The following GRXCR1 variants were observed in gnomAD, a reference collection of about 807,000 sequenced individuals.
The protein encoded by GRXCR1 is glutaredoxin and cysteine rich domain containing 1.
In GRXCR1, 27 loss-of-function variants were observed where a neutral mutation model predicts 27.3. The observed-to-expected ratio is 0.99, with a 90% CI of 0.73 to 1.37. The LOEUF is 1.37. Ranked by LOEUF, GRXCR1 falls within the 40% of genes most tolerant of loss-of-function variation. The probability of loss-of-function intolerance (pLI) is 0.00; values close to 1 mark genes in which losing one functional copy is unlikely to be tolerated. For synonymous variants in GRXCR1, 122 were observed against 131.1 expected (o/e 0.93, Z 0.47); for missense variants, 379 against 354.4 (o/e 1.07, Z -0.56).
chr4:43,004,350 G>A (rs1712480667), intron 2 of GRXCR1, among the ~76,000 whole-genome samples: 1 of 152,250 alleles, frequency 6.6e-6, no homozygotes, highest in African/African-American at 2.4e-5. Context: ...ACCTCTACTA[G>A]GGAACTGCAG....
rs112275383 is a variant in GRXCR1 at position 43,001,101 on chromosome 4, A to AT, written c.628-19239dup. ...CTCATTGTGCCCAGCTAATTTTTGT[A>AT]TTTTTTTTTTTTTTGGAGAGACAAG... On this transcript the variant is annotated intron_variant, in intron 2 of 3. Transcript: ENST00000399770. Among the ~76,000 whole-genome samples the AT allele has an allele frequency of 8.2e-3, 1,099 of 133,826 alleles. 6 individuals carry two copies. Among genetic ancestry groups the AT allele is most frequent in the East Asian group, 0.011 (51 of 4,544 alleles). 87.8% of individuals were successfully genotyped at this position (133,826 alleles called of 152,430 possible).
chr4:42,980,329 T>C (rs1464806184), intron 2 of GRXCR1, among the ~76,000 whole-genome samples: 2 of 151,982 alleles, frequency 1.3e-5, no homozygotes, highest in Admixed American at 6.6e-5. Context: ...TAAGTTTTGG[T>C]ATGTAGTGTT....
At chr4:42,986,084 T>C (rs1711715328) in intron 2 of GRXCR1, among the ~76,000 whole-genome samples, 1 of 152,200 alleles carries the variant, frequency 6.6e-6, no homozygotes, top group Non-Finnish European at 1.5e-5. Flanking sequence ...AGGTTTATAA[T>C]ACATTGTGTT....
chr4:42,907,599 A>G (rs1746625860), intron 1 of GRXCR1, among the ~76,000 whole-genome samples: 2 of 152,106 alleles, frequency 1.3e-5, no homozygotes, highest in Admixed American at 1.3e-4. Context: ...AGACCCATGA[A>G]TACCAAGAGA....
chr4:43,009,454 T>C (rs918518224), intron 2 of GRXCR1, among the ~76,000 whole-genome samples: 4 of 152,054 alleles, frequency 2.6e-5, no homozygotes, highest in African/African-American at 9.7e-5. Flanking sequence ...TCTGTATGTA[T>C]ACATATATCT....
intron 1 of GRXCR1, among the ~76,000 whole-genome samples, chr4:42,941,714 C>A (rs1337841663): frequency 6.6e-6 from 1 of 151,942 alleles, no homozygotes; most frequent in Non-Finnish European, 1.5e-5. Flanking sequence ...ATGGTGTGGG[C>A]CTTAGTTGGC....
At chr4:42,902,744 C>T (rs1746489503) in intron 1 of GRXCR1, among the ~76,000 whole-genome samples, 1 of 152,072 alleles carries the variant, frequency 6.6e-6, no homozygotes, top group Non-Finnish European at 1.5e-5. Context: ...GGGCTTAACA[C>T]CTAGGTGATG....
chr4:42,930,494 C>T lies in GRXCR1; in HGVS notation c.385-32398C>T, dbSNP rs183645331. The stretch of plus-strand genomic sequence containing the variant: ...CAAAATCTCTGTGTTTCCTATCTCT[C>T]CTCTCCTTTTATCCCTCTATGTAGT... On this transcript the variant is annotated intron_variant, in intron 1 of 3. Coordinates refer to ENST00000399770, the MANE Select transcript of GRXCR1 (RefSeq NM_001080476.3). Among the ~76,000 whole-genome samples, 570 of 152,072 alleles carry T rather than the reference C, an allele frequency of 3.7e-3. 6 individuals carry two copies. The highest frequency in any genetic ancestry group is 0.013 in the African/African-American group (532 of 41,552).
chr4:42,974,693 G>C (rs1748468420), intron 2 of GRXCR1, among the ~76,000 whole-genome samples: 1 of 152,106 alleles, frequency 6.6e-6, no homozygotes, highest in African/African-American at 2.4e-5. Flanking sequence ...AAGAGGCATA[G>C]TCAGGGTAAG....
At chr4:43,009,721 C>G (rs1419811509) in intron 2 of GRXCR1, among the ~76,000 whole-genome samples, 1 of 152,092 alleles carries the variant, frequency 6.6e-6, no homozygotes, top group Non-Finnish European at 1.5e-5. Context: ...TAATCCTATT[C>G]CTCAGGGCTC....
At chr4:42,906,315 C>T (rs1032559550) in intron 1 of GRXCR1, among the ~76,000 whole-genome samples, 16 of 152,164 alleles carry the variant, frequency 1.1e-4, no homozygotes, top group Admixed American at 3.9e-4. Flanking sequence ...CACCATAGTT[C>T]ACCCAAGCTG....
intron 1 of GRXCR1, among the ~76,000 whole-genome samples, chr4:42,933,015 A>T (rs981923572): frequency 1.3e-5 from 2 of 151,904 alleles, no homozygotes; most frequent in Middle Eastern, 3.2e-3. Flanking sequence ...ATAAGGAGAC[A>T]CTACCACTTT....
rs929817150 is a variant in GRXCR1 at position 43,030,596 on chromosome 4, T to C, written c.*56T>C. 2.1e-5 allele frequency: 27 copies of C among 1,299,428 alleles called. No individual in the cohort carries two copies. In the East Asian group the frequency reaches 5.8e-4, roughly 28 times the overall value. The allele number at this position is 1,299,428 out of a possible 1,614,324, so 80.5% of individuals were successfully genotyped here. ...TTATTAATCAAAGGCAATACTTTGG[T>C]TTATATATATATTTTTAAATGGTTA... On this transcript the variant is annotated 3_prime_UTR_variant, in exon 4 of 4. Coordinates refer to ENST00000399770, the MANE Select transcript of GRXCR1 (RefSeq NM_001080476.3).
chr4:43,009,942 T>C (rs1229349266), intron 2 of GRXCR1, among the ~76,000 whole-genome samples: 1 of 152,202 alleles, frequency 6.6e-6, no homozygotes, highest in Non-Finnish European at 1.5e-5. Context: ...AAGTTATGCA[T>C]TTATTTGTCT....
Position 42,973,469 on chromosome 4 carries a change from G to A in GRXCR1, c.627+10335G>A, listed in dbSNP as rs573005937. Among the ~76,000 whole-genome samples the A allele has an allele frequency of 1.1e-4, 17 of 150,888 alleles. No homozygotes were observed. The East Asian group carries it at 1.4e-3, about 12-fold the overall frequency. On this transcript the variant is annotated intron_variant, in intron 2 of 3. Coordinates refer to ENST00000399770, the MANE Select transcript of GRXCR1 (RefSeq NM_001080476.3). ...TCTTTTCATTTTGGGGGTCCTTGCC[G>A]ATGTTTTTTTTTTCTTGACATTAAA...
chr4:42,969,940 T>A (rs1396437188), intron 2 of GRXCR1, among the ~76,000 whole-genome samples: 1 of 152,006 alleles, frequency 6.6e-6, no homozygotes, highest in Non-Finnish European at 1.5e-5. Context: ...CAAAAACAAG[T>A]TAGTTACTTC....
At chr4:42,977,147 T>G (rs1408915155) in intron 2 of GRXCR1, among the ~76,000 whole-genome samples, 3 of 152,054 alleles carry the variant, frequency 2.0e-5, no homozygotes, top group African/African-American at 7.2e-5. Context: ...TGAGAAGATT[T>G]TCTTCTTTTT....
At chr4:42,985,375 G>A (rs1049207110) in intron 2 of GRXCR1, among the ~76,000 whole-genome samples, 4 of 151,996 alleles carry the variant, frequency 2.6e-5, no homozygotes, top group African/African-American at 9.7e-5. Context: ...GAATTTAAAG[G>A]TATAACCTGT....
intron 3 of GRXCR1, among the ~76,000 whole-genome samples, chr4:43,029,908 C>CT (rs1415420286): frequency 6.6e-6 from 1 of 152,180 alleles, no homozygotes; most frequent in Non-Finnish European, 1.5e-5. Context: ...ATAGTGGCTC[C>CT]TGCACACTTC....
Sources: allele counts gnomAD v4.1 joint callset (sites outside exome capture counted in the v4.1 genomes callset), GRCh38; gene constraint gnomAD v4.1.1; transcripts MANE v1.5; gene names NCBI Gene and HGNC (gene_info 2026-07-23, HGNC 2026-07-21).